Variants in ZBTB44 observed in about 807,000 individuals in gnomAD.
ZBTB44 encodes the protein zinc finger and BTB domain containing 44, also known as zinc finger and BTB domain-containing protein 44.
Under a neutral mutation model 54.0 loss-of-function variants are expected in ZBTB44, and 15 were observed. The observed-to-expected ratio is 0.28, with a 90% confidence interval of 0.19 to 0.43. The LOEUF is 0.43. Among genes scored for constraint, ZBTB44 ranks in the 20% least tolerant of loss-of-function variants. ZBTB44 has a pLI of 1.00. For synonymous variants in ZBTB44, 230 were observed against 250.1 expected (o/e 0.92, Z 0.76); for missense variants, 487 against 707.1 (o/e 0.69, Z 3.53).
chr11:130,276,242 A>AAAAGAAAAGAAAAG (rs1555171840), intron 1 of ZBTB44, among the ~76,000 whole-genome samples: 1 of 94,420 alleles, frequency 1.1e-5, no homozygotes, highest in Non-Finnish European at 2.1e-5. Flanking sequence ...CAAAAAAAAA[A>AAAAGAAAAGAAAAG]AAAAGAAAAA....
intron 1 of ZBTB44, among the ~76,000 whole-genome samples, chr11:130,286,054 AG>A (rs1433361956): frequency 6.6e-6 from 1 of 152,268 alleles, no homozygotes; most frequent in Non-Finnish European, 1.5e-5. Flanking sequence ...CTATCCGAAA[AG>A]TGACAAACTA....
At chr11:130,311,841 C>G (rs1942625240) in intron 1 of ZBTB44, among the ~76,000 whole-genome samples, 2 of 152,148 alleles carry the variant, frequency 1.3e-5, no homozygotes, top group Non-Finnish European at 2.9e-5. Flanking sequence ...TGTCAGAAAG[C>G]ACTCCAAGAT....
intron 1 of ZBTB44, chr11:130,296,585 G>C: frequency 2.2e-6 from 2 of 916,642 alleles, no homozygotes; most frequent in Non-Finnish European, 3.6e-6. Context: ...TCATCGTGTA[G>C]GTAGAACAGC....
chr11:130,250,420 T>C (rs1394700712), intron 2 of ZBTB44, among the ~76,000 whole-genome samples: 2 of 152,170 alleles, frequency 1.3e-5, no homozygotes, highest in African/African-American at 4.8e-5. Flanking sequence ...GCACAGTGCT[T>C]GACTTCTGCT....
At chr11:130,303,496 G>T (rs952925921) in intron 1 of ZBTB44, among the ~76,000 whole-genome samples, 5 of 152,078 alleles carry the variant, frequency 3.3e-5, no homozygotes, top group Non-Finnish European at 4.4e-5. Context: ...TTAGCTGGGC[G>T]TGGTGGCGCA....
chr11:130,261,942 T>A lies in ZBTB44; in HGVS notation c.-56-13A>T, dbSNP rs901686123. On this transcript the variant is annotated splice_polypyrimidine_tract_variant and intron_variant, in intron 1 of 7. Coordinates refer to ENST00000357899, the MANE Select transcript of ZBTB44 (RefSeq NM_001301098.2). The surrounding 1 kb of genome is among the most constrained non-coding windows in gnomAD (Gnocchi z 4.8). ...AATCAGAAATGTCCTAAAAAATACATAAAATAAAGCATTAATTGATATTTT... is the reference window on the plus strand; with the variant it reads ...AATCAGAAATGTCCTAAAAAATACAAAAAATAAAGCATTAATTGATATTTT... 1.4e-6 allele frequency: 2 copies of A among 1,440,356 alleles called. No individual in the cohort carries two copies. The highest frequency in any genetic ancestry group is 1.4e-5 in the African/African-American group (1 of 70,144). 89.2% of individuals were successfully genotyped at this position (1,440,356 alleles called of 1,614,324 possible).
At chr11:130,289,668 G>C (rs1013765440) in intron 1 of ZBTB44, among the ~76,000 whole-genome samples, 2 of 152,068 alleles carry the variant, frequency 1.3e-5, no homozygotes, top group Non-Finnish European at 2.9e-5. Context: ...TGAAGGCCTA[G>C]AATTGTGGGG....
At chr11:130,238,724 T>A in intron 3 of ZBTB44, 117 bp from the exon 4 acceptor site, 1 of 1,094,928 alleles carries the variant, frequency 9.1e-7, no homozygotes, top group Non-Finnish European at 1.2e-6. Context: ...TTTGAAACAG[T>A]TTAACTGTTA....
chr11:130,247,750 A>C (rs1243236575), intron 2 of ZBTB44, among the ~76,000 whole-genome samples: 1 of 152,212 alleles, frequency 6.6e-6, no homozygotes, highest in East Asian at 1.9e-4. Flanking sequence ...TGAGAAAAAA[A>C]AACCCACGTA....
chr11:130,266,728 G>C (rs1939273498), intron 1 of ZBTB44, among the ~76,000 whole-genome samples: 1 of 152,204 alleles, frequency 6.6e-6, no homozygotes, highest in Non-Finnish European at 1.5e-5. Context: ...AACTGCAAGA[G>C]AACTAGAATT....
At position 130,254,283 on chromosome 11, in the gene ZBTB44, C is replaced by A. The variant is rs191565951; in HGVS notation, c.1018+6573G>T. Among the ~76,000 whole-genome samples the A allele has an allele frequency of 8.7e-3, 1,317 of 152,150 alleles. 9 individuals carry two copies. The highest frequency in any genetic ancestry group is 0.022 in the African/African-American group (893 of 41,496). On this transcript the variant is annotated intron_variant, in intron 2 of 7. Transcript: ENST00000357899. ...AACTACCATCAGAGTGAACAGGCAA[C>A]CTACAGAATGGGAGAAAATTTTTAC... is the stretch of plus-strand genomic sequence containing the variant.
rs1942855412 is a variant in ZBTB44 at position 130,314,835 on chromosome 11, CGCGCGCGTGCGGCCGGCGCCGCCGCCGTT to C, written c.-546_-518del. ...GGGGAGGTTGGGAGGGAGCCGCCGC[CGCGCGCGTGCGGCCGGCGCCGCCGCCGTT>C]GCCGCTCCGCTCACTCCAGCCTGTT... On this transcript the variant is annotated 5_prime_UTR_variant, in exon 1 of 8. Transcript: ENST00000357899. 2 of 842 alleles carry C rather than the reference CGCGCGCGTGCGGCCGGCGCCGCCGCCGTT, an allele frequency of 2.4e-3. No homozygotes were observed. The highest frequency in any genetic ancestry group is 0.077 in the South Asian group (2 of 26). The allele number at this position is 842 out of a possible 1,614,324, so 0.1% of individuals were successfully genotyped here.
chr11:130,307,058 AT>A, intron 1 of ZBTB44, among the ~76,000 whole-genome samples: 1 of 150,678 alleles, frequency 6.6e-6, no homozygotes, highest in South Asian at 2.1e-4. Context: ...AAAAAAAAAA[AT>A]CAAAGAACAA....
chr11:130,257,477 A>C (rs770933920), intron 2 of ZBTB44, among the ~76,000 whole-genome samples: 20 of 152,134 alleles, frequency 1.3e-4, no homozygotes, highest in Non-Finnish European at 1.9e-4. Flanking sequence ...ACTAAAGCAC[A>C]ATATCATATA....
At chr11:130,295,917 C>T (rs182948204) in intron 1 of ZBTB44, 231 of 1,516,360 alleles carry the variant, frequency 1.5e-4, no homozygotes, top group Admixed American at 8.9e-4. Flanking sequence ...GTGGCAGTAA[C>T]GGATCTGCTG....
intron 2 of ZBTB44, among the ~76,000 whole-genome samples, chr11:130,257,620 G>C (rs1276053799): frequency 6.6e-6 from 1 of 152,202 alleles, no homozygotes; most frequent in African/African-American, 2.4e-5. Context: ...CTGTCGTTCA[G>C]ATTTCTGGCC....
intron 2 of ZBTB44, among the ~76,000 whole-genome samples, chr11:130,248,388 T>C (rs1022828999): frequency 1.3e-5 from 2 of 152,218 alleles, no homozygotes; most frequent in Admixed American, 6.5e-5. Context: ...ACGCCTGTAA[T>C]CTCAGCACTT....
At chr11:130,236,302 A>G (rs1360879956) in intron 5 of ZBTB44, 1 of 1,225,356 alleles carries the variant, frequency 8.2e-7, no homozygotes, top group African/African-American at 1.6e-5. Flanking sequence ...TGACTTCATG[A>G]TCTAAACCAT....
At chr11:130,238,905 T>C in intron 3 of ZBTB44, 1 of 197,190 alleles carries the variant, frequency 5.1e-6, no homozygotes, top group East Asian at 1.2e-4. Flanking sequence ...ATGTTAAGAA[T>C]CTATAGCTTA....
Sources: gnomAD v4.1 joint callset for allele counts (sites outside exome capture counted in the v4.1 genomes callset) on GRCh38, gnomAD v4.1.1 for gene constraint, Gnocchi (gnomAD v3.1) non-coding constraint, MANE v1.5 for transcripts, NCBI Gene and HGNC (gene_info 2026-07-23, HGNC 2026-07-21) for gene names.